The following NFIB variants were observed in gnomAD, a reference collection of about 807,000 sequenced individuals.
NFIB encodes the protein nuclear factor I B.
In NFIB, 11 loss-of-function variants were observed where a neutral mutation model predicts 61.5. That is an observed-to-expected ratio of 0.18 (90% CI 0.11 to 0.30). The LOEUF (loss-of-function observed/expected upper bound fraction) is 0.30, where lower values mean the gene tolerates loss of function less well. Ranked by LOEUF, NFIB falls within the 10% of genes least tolerant of loss-of-function variation. NFIB has a pLI of 1.00. For missense variants in NFIB, 471 were observed against 608.9 expected (o/e 0.77, Z 2.38); for synonymous variants, 260 against 216.5 (o/e 1.20, Z -1.76).
At chr9:14,515,043 G>C in the NFIB span, among the ~76,000 whole-genome samples, 1 of 152,158 alleles carries the variant, frequency 6.6e-6, no homozygotes, top group African/African-American at 2.4e-5. Context: ...AGAGAATTGA[G>C]ACTAAAAGGC....
At chr9:14,419,922 T>G in the NFIB span, among the ~76,000 whole-genome samples, 1 of 152,294 alleles carries the variant, frequency 6.6e-6, no homozygotes, top group African/African-American at 2.4e-5. Flanking sequence ...TTAAAGGAAC[T>G]ACAACATTCT....
At chr9:14,134,556 A>G (rs539800932) in intron 6 of NFIB, among the ~76,000 whole-genome samples, 2 of 152,280 alleles carry the variant, frequency 1.3e-5, no homozygotes, top group South Asian at 4.1e-4. Flanking sequence ...AGATATTTAA[A>G]ATTCTATGGT....
intron 2 of NFIB, among the ~76,000 whole-genome samples, chr9:14,245,733 C>T (rs926931987): frequency 6.6e-6 from 1 of 151,936 alleles, no homozygotes; most frequent in African/African-American, 2.4e-5. Context: ...ATCAGCAGGG[C>T]GTTGTAATGC....
chr9:14,461,951 C>T, the NFIB span, among the ~76,000 whole-genome samples: 1 of 152,196 alleles, frequency 6.6e-6, no homozygotes, highest in Non-Finnish European at 1.5e-5. Flanking sequence ...CTCGTATACA[C>T]ATGTTATTGA....
At chr9:14,189,798 G>A (rs887585116) in intron 2 of NFIB, among the ~76,000 whole-genome samples, 3 of 150,000 alleles carry the variant, frequency 2.0e-5, no homozygotes, top group Non-Finnish European at 4.4e-5. Flanking sequence ...TGTGTTGAAT[G>A]ACTAACCACT....
chr9:14,455,116 T>C, the NFIB span, among the ~76,000 whole-genome samples: 2 of 152,234 alleles, frequency 1.3e-5, no homozygotes, highest in East Asian at 1.9e-4. Context: ...TGGCACATGG[T>C]AGGCCTGCAA....
At chr9:14,139,434 G>T (rs1254447492) in intron 6 of NFIB, among the ~76,000 whole-genome samples, 2 of 152,124 alleles carry the variant, frequency 1.3e-5, no homozygotes, top group African/African-American at 4.8e-5. Flanking sequence ...CTTTTCTTAT[G>T]CAGAGAAACT....
chr9:14,346,293 C>CCCA (rs2061020242), intron 1 of NFIB, among the ~76,000 whole-genome samples: 1 of 136,392 alleles, frequency 7.3e-6, no homozygotes, highest in Non-Finnish European at 1.7e-5. Flanking sequence ...AACCGACACC[C>CCCA]CCCCCCCGTA....
At chr9:14,431,964 C>A in the NFIB span, among the ~76,000 whole-genome samples, 1 of 152,140 alleles carries the variant, frequency 6.6e-6, no homozygotes, top group South Asian at 2.1e-4. Flanking sequence ...GAAGTAGCCA[C>A]CAAATGGTGT....
intron 2 of NFIB, among the ~76,000 whole-genome samples, chr9:14,215,019 G>C (rs935293813): frequency 3.3e-5 from 5 of 152,188 alleles, no homozygotes; most frequent in Admixed American, 1.3e-4. Flanking sequence ...AGAAGGAAGA[G>C]ATTTACTTTT....
Position 14,120,480 on chromosome 9 carries a change from T to C in NFIB, c.1205A>G (p.Tyr402Cys), listed in dbSNP as rs1586826467. ...HLNPQDTLKN[Y>C]VPSYDPSSPQ... is the part of the protein sequence containing the mutation. ...ACTGGATGGGTCATAAGAAGGTACA[T>C]AGTTCTTCAGAGTATCCTGAGGATT... is the stretch of plus-strand genomic sequence containing the variant. Residue 402 changes from tyrosine (Y) to cysteine (C), a missense_variant, in exon 8 of 11, where the codon TAT (tyrosine) becomes TGT (cysteine). By Grantham distance (194) the Tyr-to-Cys change is radical (BLOSUM62 -2). Around this residue, in one of 2 missense-constraint regions of NFIB, gnomAD observed 372 missense variants for 395.6 expected, o/e 0.94. Transcript: ENST00000380953. The surrounding 1 kb of genome is among the most constrained non-coding windows in gnomAD (Gnocchi z 4.4). 6.2e-7 allele frequency: 1 copy of C among 1,614,118 alleles called. No homozygotes were observed. Among genetic ancestry groups the C allele is most frequent in the Non-Finnish European group, 8.5e-7 (1 of 1,180,012 alleles).
intron 2 of NFIB, among the ~76,000 whole-genome samples, chr9:14,197,764 G>T (rs555973092): frequency 6.6e-6 from 1 of 152,088 alleles, no homozygotes; most frequent in Non-Finnish European, 1.5e-5. Context: ...AGGCTGCAGC[G>T]CTTTAGCAAA....
At chr9:14,495,978 T>C in the NFIB span, among the ~76,000 whole-genome samples, 1 of 152,194 alleles carries the variant, frequency 6.6e-6, no homozygotes, top group Non-Finnish European at 1.5e-5. Context: ...TAAGTCTTCA[T>C]CTCTTCACCT....
At chr9:14,204,457 C>A in intron 2 of NFIB, 2 of 1,048,082 alleles carry the variant, frequency 1.9e-6, no homozygotes, top group Non-Finnish European at 2.9e-6. Context: ...GAGTCATCCT[C>A]TATAAGCGAC....
chr9:14,359,967 AT>A (rs1041327311), intron 1 of NFIB, among the ~76,000 whole-genome samples: 2 of 152,206 alleles, frequency 1.3e-5, no homozygotes, highest in South Asian at 2.1e-4. Context: ...TGAGAAAATT[AT>A]TTTTTTTCTT....
chr9:14,192,932 G>A (rs919769916), intron 2 of NFIB, among the ~76,000 whole-genome samples: 9 of 151,722 alleles, frequency 5.9e-5, no homozygotes, highest in African/African-American at 1.7e-4. Flanking sequence ...TCTAAAATAC[G>A]TGTCAGGTAA....
At chr9:14,289,201 A>G (rs1050563037) in intron 2 of NFIB, among the ~76,000 whole-genome samples, 18 of 138,592 alleles carry the variant, frequency 1.3e-4, no homozygotes, top group Non-Finnish European at 9.3e-5. Flanking sequence ...AATATATACC[A>G]AATATATAAT....
the NFIB span, among the ~76,000 whole-genome samples, chr9:14,492,368 A>G: frequency 6.6e-6 from 1 of 150,718 alleles, no homozygotes; most frequent in Non-Finnish European, 1.5e-5. Flanking sequence ...GCCTCAAAAT[A>G]AATAAATAAA....
chr9:14,479,369 C>T, the NFIB span, among the ~76,000 whole-genome samples: 3 of 152,270 alleles, frequency 2.0e-5, no homozygotes, highest in South Asian at 2.1e-4. Context: ...GAAACTTCTT[C>T]GGAGAAACAG....
Sources: gnomAD v4.1 joint callset for allele counts (sites outside exome capture counted in the v4.1 genomes callset) on GRCh38, gnomAD v4.1.1 for gene constraint, gnomAD v4.1.1 regional missense constraint, Gnocchi (gnomAD v3.1) non-coding constraint, MANE v1.5 for transcripts, NCBI Gene and HGNC (gene_info 2026-07-23, HGNC 2026-07-21) for gene names.